LRP1B: variants seen among roughly 807,000 people sequenced by gnomAD.
LRP1B encodes LDL receptor related protein 1B.
Under a neutral mutation model 556.6 loss-of-function variants are expected in LRP1B, and 217 were observed. The observed-to-expected ratio is 0.39, with a 90% confidence interval of 0.35 to 0.44. The LOEUF (loss-of-function observed/expected upper bound fraction) is 0.44, where lower values mean the gene tolerates loss of function less well. Ranked by LOEUF, LRP1B falls within the 20% of genes least tolerant of loss-of-function variation. The pLI is 1.00. For missense variants in LRP1B, 5,053 were observed against 5,620.8 expected (o/e 0.90, Z 3.23); for synonymous variants, 2,047 against 1,865.8 (o/e 1.10, Z -2.50).
intron 2 of LRP1B, among the ~76,000 whole-genome samples, chr2:141,576,118 A>T (rs1409318412): frequency 6.6e-6 from 1 of 152,230 alleles, no homozygotes; most frequent in African/African-American, 2.4e-5. Context: ...AATATAAGTT[A>T]TTCTACTATA....
At chr2:141,463,831 T>C (rs1318276385) in intron 3 of LRP1B, among the ~76,000 whole-genome samples, 5 of 139,654 alleles carry the variant, frequency 3.6e-5, no homozygotes, top group African/African-American at 1.4e-4. Flanking sequence ...ATTATATATA[T>C]AATTGGATAA....
intron 43 of LRP1B, among the ~76,000 whole-genome samples, chr2:140,588,702 G>T (rs904452170): frequency 1.3e-5 from 2 of 151,866 alleles, no homozygotes; most frequent in African/African-American, 2.4e-5. Context: ...GCATTGGCTC[G>T]TGCCTGTAAT....
At chr2:140,685,933 C>A (rs1051861098) in intron 41 of LRP1B, among the ~76,000 whole-genome samples, 1 of 152,034 alleles carries the variant, frequency 6.6e-6, no homozygotes, top group African/African-American at 2.4e-5. Context: ...ATTCAGCACA[C>A]ATGACAAGTT....
intron 43 of LRP1B, among the ~76,000 whole-genome samples, chr2:140,581,052 T>C (rs1286890146): frequency 6.6e-6 from 1 of 152,194 alleles, no homozygotes; most frequent in African/African-American, 2.4e-5. Context: ...TATGGCAGTA[T>C]ATCAGCAGGG....
chr2:140,803,637 C>T (rs1690603952), intron 32 of LRP1B, among the ~76,000 whole-genome samples: 1 of 151,784 alleles, frequency 6.6e-6, no homozygotes, highest in African/African-American at 2.4e-5. Flanking sequence ...CAAAACCTCT[C>T]ACAGTAACCC....
At chr2:141,748,199 C>A (rs566152876) in intron 2 of LRP1B, among the ~76,000 whole-genome samples, 27 of 152,080 alleles carry the variant, frequency 1.8e-4, no homozygotes, top group African/African-American at 6.0e-4. Context: ...AGCAGTGTGA[C>A]CTTGGGTAAA....
intron 3 of LRP1B, among the ~76,000 whole-genome samples, chr2:141,313,059 T>C (rs555485273): frequency 6.6e-6 from 1 of 152,292 alleles, no homozygotes; most frequent in Admixed American, 6.5e-5. Context: ...TATGTGTGCA[T>C]ATAAACACAC....
At chr2:141,080,652 T>C (rs1221472191) in intron 7 of LRP1B, among the ~76,000 whole-genome samples, 1 of 152,180 alleles carries the variant, frequency 6.6e-6, no homozygotes, top group African/African-American at 2.4e-5. Flanking sequence ...TAAACGATGG[T>C]GCATACAAAA....
At chr2:140,824,344 G>A (rs754979120) in intron 31 of LRP1B, among the ~76,000 whole-genome samples, 13 of 151,924 alleles carry the variant, frequency 8.6e-5, no homozygotes, top group Non-Finnish European at 1.8e-4. Context: ...AATTAATAGG[G>A]TTGAAATAAA....
intron 7 of LRP1B, among the ~76,000 whole-genome samples, chr2:141,078,991 A>G (rs1699859779): frequency 6.6e-6 from 1 of 152,160 alleles, no homozygotes; most frequent in South Asian, 2.1e-4. Context: ...ATAAGTAATT[A>G]CAGGGTTTGG....
chr2:140,412,130 A>T (rs2105249015), intron 66 of LRP1B, among the ~76,000 whole-genome samples: 1 of 152,222 alleles, frequency 6.6e-6, no homozygotes, highest in African/African-American at 2.4e-5. Flanking sequence ...AAGCAAATAT[A>T]TCAATTAGGT....
intron 21 of LRP1B, among the ~76,000 whole-genome samples, chr2:140,913,744 T>C (rs1285644884): frequency 6.6e-6 from 1 of 152,054 alleles, no homozygotes; most frequent in East Asian, 1.9e-4. Context: ...TATATTTGCT[T>C]TTTATTTTAT....
intron 59 of LRP1B, 114 bp from the exon 60 acceptor site, chr2:140,475,451 A>C (rs1414348652): frequency 7.2e-6 from 5 of 697,180 alleles, no homozygotes; most frequent in Admixed American, 3.6e-5. Flanking sequence ...CATTTTTCTG[A>C]ATTGCAGCTT....
chr2:141,358,508 G>A (rs899147025), intron 3 of LRP1B, among the ~76,000 whole-genome samples: 1 of 152,176 alleles, frequency 6.6e-6, no homozygotes. Flanking sequence ...AAGGAGAATG[G>A]AGAAATACCC....
intron 2 of LRP1B, among the ~76,000 whole-genome samples, chr2:141,698,972 T>C (rs184992350): frequency 6.6e-5 from 10 of 151,990 alleles, no homozygotes; most frequent in African/African-American, 2.2e-4. Flanking sequence ...AATTGGAGGA[T>C]GTGTTAACAG....
chr2:142,038,942 A>G (rs1286388551), intron 1 of LRP1B, among the ~76,000 whole-genome samples: 2 of 151,520 alleles, frequency 1.3e-5, no homozygotes, highest in East Asian at 1.9e-4. Context: ...TTCCTTGCTC[A>G]TGTTTTTCTT....
intron 7 of LRP1B, among the ~76,000 whole-genome samples, chr2:141,085,529 C>T (rs1259286918): frequency 6.6e-6 from 1 of 152,032 alleles, no homozygotes; most frequent in East Asian, 1.9e-4. Flanking sequence ...GAGGACATGG[C>T]GAGAAGGTGA....
chr2:141,299,830 C>T (rs1686318919), intron 3 of LRP1B, among the ~76,000 whole-genome samples: 1 of 152,096 alleles, frequency 6.6e-6, no homozygotes, highest in Non-Finnish European at 1.5e-5. Flanking sequence ...TTGATGGGCC[C>T]AGGACTTCAA....
In LRP1B at chr2:140,501,938, G is replaced by C. The variant is rs1442419039; in HGVS notation, c.8663-64C>G. 2.7e-6 allele frequency: 3 copies of C among 1,131,252 alleles called. No homozygotes were observed. The African/African-American group carries it at 4.7e-5, about 18-fold the overall frequency. 70.1% of individuals were successfully genotyped at this position (1,131,252 alleles called of 1,614,324 possible). The stretch of plus-strand genomic sequence containing the variant: ...GCCATTGTTTTATACTACAGTTGTT[G>C]AAAACATTCACAAATATCATTAACT... On this transcript the variant is annotated intron_variant, in intron 54 of 90. Coordinates refer to ENST00000389484, the MANE Select transcript of LRP1B (RefSeq NM_018557.3).
Sources: allele counts gnomAD v4.1 joint callset (sites outside exome capture counted in the v4.1 genomes callset), GRCh38; gene constraint gnomAD v4.1.1; transcripts MANE v1.5; gene names NCBI Gene and HGNC (gene_info 2026-07-23, HGNC 2026-07-21).